The following GPM6A variants were observed in gnomAD, a reference collection of about 807,000 sequenced individuals.
GPM6A encodes the protein glycoprotein M6A.
In GPM6A, 7 loss-of-function variants were observed where a neutral mutation model predicts 32.1. The ratio of observed to expected loss-of-function variants is 0.22; its 90% CI spans 0.12 to 0.41. The LOEUF (loss-of-function observed/expected upper bound fraction) is 0.41, where lower values mean the gene tolerates loss of function less well. Among genes scored for constraint, GPM6A ranks in the 10% least tolerant of loss-of-function variants. The probability of loss-of-function intolerance (pLI) is 1.00; values close to 1 mark genes in which losing one functional copy is unlikely to be tolerated. For missense variants in GPM6A, 235 were observed against 347.2 expected (o/e 0.68, Z 2.57); for synonymous variants, 130 against 123.4 (o/e 1.05, Z -0.35).
chr4:175,773,419 G>T (rs1004250134), intron 1 of GPM6A, among the ~76,000 whole-genome samples: 3 of 152,036 alleles, frequency 2.0e-5, no homozygotes, highest in Non-Finnish European at 4.4e-5. Context: ...GCATAGATTG[G>T]TTGAAATTGA....
At chr4:175,779,479 C>A (rs1382910582) in intron 1 of GPM6A, among the ~76,000 whole-genome samples, 4 of 152,074 alleles carry the variant, frequency 2.6e-5, no homozygotes, top group African/African-American at 7.2e-5. Flanking sequence ...CATGTGGTTT[C>A]CAGTTCAGTA....
At chr4:175,713,432 C>T (rs1745662690) in intron 1 of GPM6A, among the ~76,000 whole-genome samples, 1 of 151,990 alleles carries the variant, frequency 6.6e-6, no homozygotes, top group Non-Finnish European at 1.5e-5. Context: ...ACCTTGTGAT[C>T]CGCCTGTCTC....
chr4:175,742,810 G>A (rs186283396), intron 1 of GPM6A, among the ~76,000 whole-genome samples: 125 of 152,158 alleles, frequency 8.2e-4, no homozygotes, highest in African/African-American at 2.7e-3. Context: ...TAAATATGTT[G>A]AGAATACGAA....
intron 1 of GPM6A, among the ~76,000 whole-genome samples, chr4:175,849,101 G>A (rs967266937): frequency 6.6e-6 from 1 of 152,144 alleles, no homozygotes; most frequent in African/African-American, 2.4e-5. Flanking sequence ...ATTTAAGAGT[G>A]TAAAAATGTT....
At chr4:175,747,138 C>T (rs999368563) in intron 1 of GPM6A, among the ~76,000 whole-genome samples, 7 of 151,862 alleles carry the variant, frequency 4.6e-5, no homozygotes, top group Non-Finnish European at 1.0e-4. Context: ...GGCGTGGTGA[C>T]ACGTGCCTGT....
At chr4:175,935,471 C>T (rs1203339085) in intron 1 of GPM6A, among the ~76,000 whole-genome samples, 1 of 152,170 alleles carries the variant, frequency 6.6e-6, no homozygotes, top group Admixed American at 6.6e-5. Flanking sequence ...TCTGTGCTTT[C>T]TCTACTGCCA....
At chr4:175,726,962 C>T (rs900172106) in intron 1 of GPM6A, among the ~76,000 whole-genome samples, 1 of 152,256 alleles carries the variant, frequency 6.6e-6, no homozygotes, top group African/African-American at 2.4e-5. Context: ...TGCCACTGCA[C>T]TCCAGCCTGG....
At chr4:175,943,871 G>A (rs1017324667) in intron 1 of GPM6A, among the ~76,000 whole-genome samples, 2 of 152,112 alleles carry the variant, frequency 1.3e-5, no homozygotes, top group Non-Finnish European at 2.9e-5. Context: ...CCAGGTTTTG[G>A]TACGAGGATG....
At chr4:175,820,593 C>G (rs1358889185) in intron 1 of GPM6A, among the ~76,000 whole-genome samples, 1 of 150,556 alleles carries the variant, frequency 6.6e-6, no homozygotes, top group African/African-American at 2.4e-5. Flanking sequence ...CTCCCCTTCC[C>G]GGGTTCAAGT....
At chr4:175,829,574 C>T (rs925223314) in intron 1 of GPM6A, among the ~76,000 whole-genome samples, 2 of 150,390 alleles carry the variant, frequency 1.3e-5, no homozygotes, top group Non-Finnish European at 1.5e-5. Flanking sequence ...GGGTTTTTAG[C>T]AGTTTCCAGG....
At chr4:175,697,702 G>C (rs10520303) in intron 2 of GPM6A, among the ~76,000 whole-genome samples, 7,174 of 152,178 alleles carry the variant, frequency 0.047, 204 homozygotes, top group Non-Finnish European at 0.063. Context: ...TTATATAAAT[G>C]AGTAACAAAA....
intron 1 of GPM6A, chr4:175,781,343 C>A (rs1733608257): frequency 2.0e-5 from 3 of 152,174 alleles, no homozygotes; most frequent in Admixed American, 1.3e-4. Flanking sequence ...GCGCCCAGAG[C>A]TCTTCTGTTG....
intron 1 of GPM6A, among the ~76,000 whole-genome samples, chr4:175,724,094 T>C (rs1011756451): frequency 6.6e-6 from 1 of 152,114 alleles, no homozygotes; most frequent in Non-Finnish European, 1.5e-5. Context: ...AAGGATATGG[T>C]GTACATACAC....
intron 1 of GPM6A, among the ~76,000 whole-genome samples, chr4:175,824,334 T>C (rs1238971422): frequency 1.3e-5 from 2 of 152,148 alleles, no homozygotes; most frequent in Middle Eastern, 3.2e-3. Flanking sequence ...CCCATCCACT[T>C]ACAAGTGTTC....
intron 6 of GPM6A, among the ~76,000 whole-genome samples, chr4:175,636,806 T>C (rs1048735161): frequency 2.7e-5 from 4 of 146,196 alleles, no homozygotes; most frequent in Non-Finnish European, 6.0e-5. Context: ...AAAAAATACA[T>C]ATATATATTT....
intron 1 of GPM6A, among the ~76,000 whole-genome samples, chr4:175,895,721 G>A (rs962820983): frequency 1.3e-5 from 2 of 152,104 alleles, no homozygotes; most frequent in Non-Finnish European, 2.9e-5. Flanking sequence ...AGAAATTGTT[G>A]AAAATGGAAT....
At position 175,637,366 on chromosome 4, in the gene GPM6A, CAT is replaced by C. The variant is rs1206762768; in HGVS notation, c.685-2311_685-2310del. ...TTATATAAAAATATATAATATATAACATATAATATATTATATAATATATAATA... is the reference window on the plus strand; with the variant it reads ...TTATATAAAAATATATAATATATAACATAATATATTATATAATATATAATA... On this transcript the variant is annotated intron_variant, in intron 6 of 6. Coordinates refer to ENST00000393658, the MANE Select transcript of GPM6A (RefSeq NM_201591.3). Among the ~76,000 whole-genome samples, 6 of 49,082 alleles carry C rather than the reference CAT, an allele frequency of 1.2e-4. 1 individual carries two copies. The highest frequency in any genetic ancestry group is 2.1e-4 in the Non-Finnish European group (6 of 28,694). 32.2% of individuals were successfully genotyped at this position (49,082 alleles called of 152,430 possible).
chr4:175,778,950 A>AT (rs1267642538), intron 1 of GPM6A, among the ~76,000 whole-genome samples: 2 of 151,738 alleles, frequency 1.3e-5, no homozygotes, highest in African/African-American at 4.8e-5. Flanking sequence ...ATAAGTATAT[A>AT]TATCAATTAT....
At chr4:175,923,441 A>T (rs1283266124) in intron 1 of GPM6A, among the ~76,000 whole-genome samples, 1 of 150,954 alleles carries the variant, frequency 6.6e-6, no homozygotes, top group Non-Finnish European at 1.5e-5. Context: ...CCTCATCAGC[A>T]GATGAAGTGT....
Sources: allele counts gnomAD v4.1 joint callset (sites outside exome capture counted in the v4.1 genomes callset), GRCh38; gene constraint gnomAD v4.1.1; transcripts MANE v1.5; gene names NCBI Gene and HGNC (gene_info 2026-07-23, HGNC 2026-07-21).